COL13A1: variants seen among roughly 807,000 people sequenced by gnomAD.
COL13A1 encodes the protein collagen alpha-1(XIII) chain.
A neutral mutation model predicts 130.9 loss-of-function variants in COL13A1; 89 were observed. The observed-to-expected ratio is 0.68, with a 90% CI of 0.57 to 0.81. The LOEUF is 0.81. Among genes scored for constraint, COL13A1 ranks in the 30% least tolerant of loss-of-function variants. COL13A1 has a pLI of 0.00. For missense variants in COL13A1, 879 were observed against 934.6 expected, an observed-to-expected ratio of 0.94 and a Z score of 0.78; for synonymous variants, 402 against 341.6, an observed-to-expected ratio of 1.18 and a Z score of -1.95.
chr10:69,806,499 A>G (rs1456312964), intron 1 of COL13A1, among the ~76,000 whole-genome samples: 1 of 152,102 alleles, frequency 6.6e-6, no homozygotes, highest in Non-Finnish European at 1.5e-5. Flanking sequence ...TCTGTGGGGA[A>G]CCAGGAGTGT....
intron 13 of COL13A1, among the ~76,000 whole-genome samples, chr10:69,898,387 G>C (rs1029421817): frequency 6.6e-6 from 1 of 152,160 alleles, no homozygotes; most frequent in Non-Finnish European, 1.5e-5. Context: ...GTCCCATTCC[G>C]GGGGCTGCTG....
chr10:69,826,211 G>A (rs1029746209), intron 2 of COL13A1, among the ~76,000 whole-genome samples: 5 of 152,204 alleles, frequency 3.3e-5, no homozygotes, highest in South Asian at 2.1e-4. Context: ...GGCCCGCCAC[G>A]CTGGGGCTGG....
Position 69,878,039 on chromosome 10 carries a change from G to A in COL13A1, c.436G>A (p.Gly146Arg), listed in dbSNP as rs2059776765. 6 of 702,750 alleles carry A rather than the reference G, an allele frequency of 8.5e-6. No individual in the cohort carries two copies. The East Asian group carries it at 1.6e-4, about 19-fold the overall frequency. The allele number at this position is 702,750 out of a possible 1,614,324, so 43.5% of individuals were successfully genotyped here. The stretch of plus-strand genomic sequence containing the variant: ...CCTGTGTTGCATGTGGCTGCCCCAG[G>A]GAGTAAAGGGCCAACCAGGCGAGAA... ...KGAIGMPGRV[G>R]VKGQPGEKGS... The change falls in exon 6 of 41, where the codon GGA becomes AGA. Residue 146 changes from glycine to arginine, a missense_variant and splice_region_variant. This residue lies in a region of COL13A1 where 715 missense variants were observed against 721.0 expected (regional missense o/e 0.99). Transcript: ENST00000645393.
chr10:69,867,650 G>A (rs1210680324), intron 2 of COL13A1, 148 bp from the exon 3 acceptor site: 1 of 618,326 alleles, frequency 1.6e-6, no homozygotes, highest in African/African-American at 1.9e-5. Flanking sequence ...AGATTATATT[G>A]GTGAAAGTAG....
At chr10:69,818,760 G>C (rs961410397) in intron 1 of COL13A1, among the ~76,000 whole-genome samples, 1 of 152,236 alleles carries the variant, frequency 6.6e-6, no homozygotes, top group African/African-American at 2.4e-5. Flanking sequence ...AGAGAGAGCA[G>C]AGTCTCCCTT....
intron 17 of COL13A1, among the ~76,000 whole-genome samples, chr10:69,907,621 A>T (rs910661077): frequency 2.0e-5 from 3 of 151,350 alleles, no homozygotes; most frequent in Non-Finnish European, 2.9e-5. Flanking sequence ...CATGATAACT[A>T]ACCCACTCCC....
chr10:69,864,772 C>T (rs1859331771), intron 2 of COL13A1, among the ~76,000 whole-genome samples: 1 of 152,156 alleles, frequency 6.6e-6, no homozygotes, highest in Admixed American at 6.5e-5. Context: ...TGGGTCAAAC[C>T]CCGGCGGAGA....
intron 5 of COL13A1, among the ~76,000 whole-genome samples, chr10:69,876,497 A>T (rs1245940576): frequency 2.0e-5 from 3 of 152,216 alleles, no homozygotes; most frequent in Non-Finnish European, 4.4e-5. Flanking sequence ...CTATGGAGGC[A>T]TGCAGGCTGG....
intron 35 of COL13A1, among the ~76,000 whole-genome samples, chr10:69,942,967 C>A (rs1199259949): frequency 6.6e-6 from 1 of 152,248 alleles, no homozygotes; most frequent in Non-Finnish European, 1.5e-5. Context: ...CCTGCCTCAG[C>A]CTCCCGAGTA....
At chr10:69,905,513 T>C (rs2062660494) in intron 16 of COL13A1, among the ~76,000 whole-genome samples, 1 of 152,144 alleles carries the variant, frequency 6.6e-6, no homozygotes, top group South Asian at 2.1e-4. Context: ...TAGAATCAGG[T>C]CTCCTGGGTC....
intron 38 of COL13A1, 33 bp from the exon 39 acceptor site, chr10:69,952,849 T>C (rs1254316099): frequency 1.4e-6 from 2 of 1,417,048 alleles, no homozygotes; most frequent in South Asian, 2.6e-5. Context: ...AAAGTTTTGA[T>C]GTTTTTTTCT....
intron 38 of COL13A1, among the ~76,000 whole-genome samples, chr10:69,950,205 T>C (rs546453589): frequency 6.6e-6 from 1 of 152,266 alleles, no homozygotes; most frequent in South Asian, 2.1e-4. Flanking sequence ...CATTTACTTA[T>C]GTTTTTAAGA....
In COL13A1 at chr10:69,902,896, G is replaced by T. The variant is rs963399878; in HGVS notation, c.858+41G>T. On this transcript the variant is annotated intron_variant, in intron 15 of 40. Transcript: ENST00000645393. ...CTCTCTCCTTCAAGACTTATCCCAA[G>T]AACTCTCTGGAAACCTCCAAACCTT... 11 of 1,431,716 alleles carry T rather than the reference G, an allele frequency of 7.7e-6. No individual in the cohort carries two copies. In the Admixed American group the frequency reaches 2.7e-4, roughly 35 times the overall value. The allele number at this position is 1,431,716 out of a possible 1,614,324, so 88.7% of individuals were successfully genotyped here.
chr10:69,885,569 G>A (rs2060520200), intron 7 of COL13A1, among the ~76,000 whole-genome samples: 1 of 152,168 alleles, frequency 6.6e-6, no homozygotes, highest in Non-Finnish European at 1.5e-5. Flanking sequence ...TTTGATCCTG[G>A]TTGGAGACAT....
intron 26 of COL13A1, among the ~76,000 whole-genome samples, chr10:69,926,406 G>A (rs1022370628): frequency 2.6e-5 from 4 of 152,188 alleles, no homozygotes; most frequent in African/African-American, 9.7e-5. Flanking sequence ...GTGTGTTGTA[G>A]GATGTGCAGC....
intron 31 of COL13A1, 137 bp from the exon 32 acceptor site, chr10:69,935,204 TGGGGGATAC>T: frequency 1.5e-6 from 1 of 656,256 alleles, no homozygotes. Context: ...GAGCCTTTTT[TGGGGGATAC>T]TGTGCTGGGC....
chr10:69,830,847 T>C (rs1159565341), intron 2 of COL13A1, among the ~76,000 whole-genome samples: 3 of 152,184 alleles, frequency 2.0e-5, no homozygotes, highest in Non-Finnish European at 2.9e-5. Context: ...CTAGGACATT[T>C]TATCGTCCCA....
chr10:69,945,037 G>A (rs967828388), intron 36 of COL13A1, among the ~76,000 whole-genome samples: 2 of 152,224 alleles, frequency 1.3e-5, no homozygotes, highest in Admixed American at 6.5e-5. Flanking sequence ...GGTGAGGGTG[G>A]AGGGTGTCAG....
intron 2 of COL13A1, among the ~76,000 whole-genome samples, chr10:69,867,129 G>A (rs993930200): frequency 1.3e-5 from 2 of 152,316 alleles, no homozygotes; most frequent in Admixed American, 6.5e-5. Flanking sequence ...TGCTGCGGCC[G>A]TGGGAGGGAG....
Sources: allele counts gnomAD v4.1 joint callset (sites outside exome capture counted in the v4.1 genomes callset), GRCh38; gene constraint gnomAD v4.1.1; regional missense constraint gnomAD v4.1.1; transcripts MANE v1.5; gene names NCBI Gene and HGNC (gene_info 2026-07-23, HGNC 2026-07-21).